The following UIMC1 variants were observed in gnomAD, a reference collection of about 807,000 sequenced individuals.
UIMC1 encodes ubiquitin interaction motif containing 1.
In UIMC1, 42 loss-of-function variants were observed where a neutral mutation model predicts 84.9. The observed-to-expected ratio is 0.49, with a 90% CI of 0.39 to 0.64. UIMC1 has a LOEUF of 0.64. Among genes scored for constraint, UIMC1 ranks in the 30% least tolerant of loss-of-function variants. The pLI, the probability that UIMC1 is intolerant of heterozygous loss-of-function variation, is 0.00. For missense variants in UIMC1, 825 were observed against 847.6 expected (o/e 0.97, Z 0.33); for synonymous variants, 281 against 293.0 (o/e 0.96, Z 0.42).
At chr5:176,941,477 A>T (rs1039221480) in intron 10 of UIMC1, among the ~76,000 whole-genome samples, 1 of 152,276 alleles carries the variant, frequency 6.6e-6, no homozygotes, top group Non-Finnish European at 1.5e-5. Flanking sequence ...CAACAAATTT[A>T]TTAAATTAAG....
At chr5:176,992,663 G>T (rs1020188690) in intron 1 of UIMC1, among the ~76,000 whole-genome samples, 2 of 151,910 alleles carry the variant, frequency 1.3e-5, no homozygotes, top group African/African-American at 4.8e-5. Flanking sequence ...TTAATTAGCT[G>T]GGTATGGTGG....
At chr5:176,986,228 C>G (rs544873598) in intron 1 of UIMC1, among the ~76,000 whole-genome samples, 1 of 151,488 alleles carries the variant, frequency 6.6e-6, no homozygotes, top group South Asian at 2.1e-4. Flanking sequence ...GGCGTGGTGG[C>G]GTGTGACTAT....
intron 10 of UIMC1, among the ~76,000 whole-genome samples, chr5:176,931,889 C>T (rs1049932021): frequency 2.0e-5 from 3 of 152,118 alleles, no homozygotes; most frequent in Non-Finnish European, 4.4e-5. Flanking sequence ...GAGAGAACTG[C>T]TTAAACCGAG....
chr5:176,982,648 G>T (rs1327762639), intron 1 of UIMC1, 25 bp from the exon 2 acceptor site: 7 of 1,592,544 alleles, frequency 4.4e-6, no homozygotes. Flanking sequence ...CAATAATTTT[G>T]TCTAGAATAA....
intron 13 of UIMC1, 21 bp from the exon 14 acceptor site, chr5:176,906,068 T>C: frequency 1.9e-6 from 3 of 1,611,866 alleles, no homozygotes; most frequent in African/African-American, 1.3e-5. Context: ...AAAGAAAAAA[T>C]AATAATGTTG....
chr5:176,997,459 C>T (rs1339918551), intron 1 of UIMC1, among the ~76,000 whole-genome samples: 1 of 152,036 alleles, frequency 6.6e-6, no homozygotes, highest in East Asian at 1.9e-4. Context: ...CCGAGGCAGG[C>T]GGATCACAAG....
intron 1 of UIMC1, among the ~76,000 whole-genome samples, chr5:177,002,618 G>A (rs1332572982): frequency 4.6e-5 from 7 of 152,058 alleles, no homozygotes; most frequent in Admixed American, 1.3e-4. Context: ...TGGCTAACAC[G>A]GTGAAACCCC....
chr5:176,937,555 A>G (rs921423626), intron 10 of UIMC1, among the ~76,000 whole-genome samples: 1 of 152,208 alleles, frequency 6.6e-6, no homozygotes, highest in East Asian at 1.9e-4. Context: ...TTCTGAATAG[A>G]CAACGTCATT....
intron 1 of UIMC1, among the ~76,000 whole-genome samples, chr5:176,985,063 C>G (rs1214166379): frequency 6.6e-6 from 1 of 151,982 alleles, no homozygotes; most frequent in Non-Finnish European, 1.5e-5. Context: ...ATCCCCCTCT[C>G]CAAGAAACAC....
chr5:176,945,529 C>T (rs1479602623), intron 9 of UIMC1, among the ~76,000 whole-genome samples: 1 of 152,218 alleles, frequency 6.6e-6, no homozygotes, highest in Non-Finnish European at 1.5e-5. Flanking sequence ...GTGCTTCCCC[C>T]TGTAGAGAGC....
chr5:176,973,919 G>A (rs1769653571), intron 3 of UIMC1, among the ~76,000 whole-genome samples: 2 of 152,040 alleles, frequency 1.3e-5, no homozygotes, highest in African/African-American at 4.8e-5. Flanking sequence ...AATTAGCTGG[G>A]TATGGTGATG....
intron 2 of UIMC1, among the ~76,000 whole-genome samples, chr5:176,976,546 G>A (rs767766406): frequency 1.1e-4 from 16 of 152,138 alleles, no homozygotes; most frequent in Admixed American, 2.0e-4. Context: ...TACAAAAACC[G>A]GAACCCTAGT....
Position 176,908,619 on chromosome 5 carries a change from C to G in UIMC1, c.1752G>C (p.Gln584His). The change falls in exon 12 of 15, where the codon CAG becomes CAC. Residue 584 changes from glutamine (Q) to histidine (H), a missense_variant. Coordinates refer to ENST00000511320, the MANE Select transcript of UIMC1 (RefSeq NM_001199298.2). The part of the protein sequence containing the change: ...EYQCHVDSCL[Q>H]LAKADQGDGP... The stretch of plus-strand genomic sequence containing the variant: ...CATCTCCTTGGTCAGCCTTTGCAAG[C>G]TGGAGACAGGAGTCCACATGACACT... 1 of 1,614,196 alleles carries G rather than the reference C, an allele frequency of 6.2e-7. No homozygotes were observed. Among genetic ancestry groups the G allele is most frequent in the Non-Finnish European group, 8.5e-7 (1 of 1,180,002 alleles).
chr5:177,014,627 G>A (rs1775634495), intron 1 of UIMC1, among the ~76,000 whole-genome samples: 1 of 152,014 alleles, frequency 6.6e-6, no homozygotes, highest in South Asian at 2.1e-4. Context: ...AACCTGGGAG[G>A]GCAGAGGTTG....
At chr5:176,945,091 A>G (rs1764910605) in intron 9 of UIMC1, among the ~76,000 whole-genome samples, 1 of 152,216 alleles carries the variant, frequency 6.6e-6, no homozygotes, top group African/African-American at 2.4e-5. Flanking sequence ...ATGTTGTGGC[A>G]GAAATAAAAA....
chr5:176,910,406 C>G (rs1022720491), intron 11 of UIMC1, among the ~76,000 whole-genome samples: 2 of 152,160 alleles, frequency 1.3e-5, no homozygotes, highest in East Asian at 3.9e-4. Flanking sequence ...TTTTTAGCTT[C>G]TTAAAACCAA....
At chr5:176,937,225 G>A (rs551485155) in intron 10 of UIMC1, among the ~76,000 whole-genome samples, 2 of 152,244 alleles carry the variant, frequency 1.3e-5, no homozygotes, top group South Asian at 2.1e-4. Flanking sequence ...GGCCAGGTGC[G>A]GTGGCTCACG....
intron 10 of UIMC1, among the ~76,000 whole-genome samples, chr5:176,917,823 G>T (rs2149401434): frequency 6.6e-6 from 1 of 152,274 alleles, no homozygotes; most frequent in East Asian, 1.9e-4. Context: ...GCTGGGTATG[G>T]TGGCGCATGC....
chr5:176,969,811 T>C (rs894866006), intron 4 of UIMC1, 105 bp from the exon 5 acceptor site: 12 of 893,074 alleles, frequency 1.3e-5, no homozygotes, highest in East Asian at 1.0e-4. Context: ...TAAGACTTTC[T>C]CTTTCTAAAA....
Sources: allele counts gnomAD v4.1 joint callset (sites outside exome capture counted in the v4.1 genomes callset), GRCh38; gene constraint gnomAD v4.1.1; transcripts MANE v1.5; gene names NCBI Gene and HGNC (gene_info 2026-07-23, HGNC 2026-07-21).